The following CHLSN variants were observed in gnomAD, a reference collection of about 807,000 sequenced individuals.
CHLSN encodes the protein protein cholesin.
At chr7:1,068,619 T>A in the CHLSN span, among the ~76,000 whole-genome samples, 2 of 152,126 alleles carry the variant, frequency 1.3e-5, no homozygotes, top group Admixed American at 6.5e-5. Flanking sequence ...TGCCGATGCC[T>A]GCTTGTCGGC....
chr7:1,018,098 G>A, the CHLSN span, among the ~76,000 whole-genome samples: 7 of 152,094 alleles, frequency 4.6e-5, no homozygotes, highest in East Asian at 3.9e-4. Context: ...ATACACACGC[G>A]TGCACACATA....
At chr7:1,116,970 G>A in the CHLSN span, among the ~76,000 whole-genome samples, 4 of 30,788 alleles carry the variant, frequency 1.3e-4, no homozygotes, top group East Asian at 7.0e-4. Flanking sequence ...TGACATCACT[G>A]CAGTTCTAGG....
chr7:1,021,725 C>T, the CHLSN span: 1 of 183,990 alleles, frequency 5.4e-6, no homozygotes, highest in Non-Finnish European at 1.0e-5. Context: ...TACTTGTCAC[C>T]AGACAGAAAC....
the CHLSN span, among the ~76,000 whole-genome samples, chr7:1,033,702 G>A: frequency 2.0e-5 from 3 of 152,328 alleles, no homozygotes; most frequent in East Asian, 1.9e-4. Flanking sequence ...AATCGGTAAC[G>A]GAGGTGCCTC....
the CHLSN span, among the ~76,000 whole-genome samples, chr7:1,006,076 G>A: frequency 1.3e-5 from 2 of 152,354 alleles, no homozygotes; most frequent in African/African-American, 2.4e-5. Context: ...CTTTAATGAG[G>A]AACAGGCTTG....
the CHLSN span, among the ~76,000 whole-genome samples, chr7:1,125,924 T>G: frequency 6.6e-6 from 1 of 152,326 alleles, no homozygotes; most frequent in South Asian, 2.1e-4. Flanking sequence ...CTCCTAATGG[T>G]AAACACAGCT....
chr7:1,066,589 C>T, the CHLSN span, among the ~76,000 whole-genome samples: 1 of 152,050 alleles, frequency 6.6e-6, no homozygotes, highest in Non-Finnish European at 1.5e-5. Context: ...AGGGGTTCTA[C>T]CTGCCCTCTA....
the CHLSN span, among the ~76,000 whole-genome samples, chr7:1,107,442 C>T: frequency 1.1e-4 from 16 of 152,200 alleles, no homozygotes; most frequent in African/African-American, 3.6e-4. Flanking sequence ...CTTCTTAACC[C>T]AGGGAAGCTG....
the CHLSN span, among the ~76,000 whole-genome samples, chr7:1,012,141 T>C: frequency 1.3e-5 from 2 of 152,174 alleles, no homozygotes; most frequent in African/African-American, 4.8e-5. Context: ...CCCCACTCCA[T>C]GGGCCACGCA....
At chr7:1,057,053 AG>A in the CHLSN span, among the ~76,000 whole-genome samples, 2 of 149,012 alleles carry the variant, frequency 1.3e-5, no homozygotes, top group East Asian at 4.2e-4. Context: ...AGCTGCCGGG[AG>A]GGAGGGAGGG....
the CHLSN span, chr7:986,777 G>A: frequency 6.3e-6 from 10 of 1,583,762 alleles, no homozygotes; most frequent in Non-Finnish European, 6.9e-6. Context: ...CTATGTGGAC[G>A]CCCTGATCCA....
At chr7:1,011,992 G>C in the CHLSN span, among the ~76,000 whole-genome samples, 13 of 152,288 alleles carry the variant, frequency 8.5e-5, no homozygotes, top group African/African-American at 1.2e-4. Context: ...ACACCCCCAG[G>C]GGAGCCTGGT....
At chr7:1,055,191 G>T in the CHLSN span, 3 of 467,826 alleles carry the variant, frequency 6.4e-6, no homozygotes, top group Non-Finnish European at 1.3e-5. Flanking sequence ...ACGGCCCCTC[G>T]TTTCTGGAAC....
the CHLSN span, among the ~76,000 whole-genome samples, chr7:1,135,146 G>A: frequency 1.5e-4 from 23 of 151,912 alleles, no homozygotes; most frequent in African/African-American, 5.6e-4. Context: ...CCTCTTAATC[G>A]CCGTGTCCTT....
At chr7:1,091,815 C>G in the CHLSN span, 2 of 1,597,228 alleles carry the variant, frequency 1.3e-6, no homozygotes, top group Non-Finnish European at 1.7e-6. Context: ...CCACCTCCCC[C>G]GAGCTCAACC....
the CHLSN span, among the ~76,000 whole-genome samples, chr7:1,038,369 C>T: frequency 3.1e-5 from 3 of 98,008 alleles, 1 homozygote; most frequent in Non-Finnish European, 4.5e-5. Flanking sequence ...TCTGCCCGGC[C>T]GCCCCTACTG....
chr7:1,102,647 G>A, the CHLSN span, among the ~76,000 whole-genome samples: 1 of 152,084 alleles, frequency 6.6e-6, no homozygotes. Context: ...AGGTGCACTC[G>A]GAAGAGAACC....
the CHLSN span, among the ~76,000 whole-genome samples, chr7:1,073,421 C>T: frequency 3.9e-5 from 6 of 152,126 alleles, no homozygotes. Flanking sequence ...CCCGCCGCCC[C>T]TCAGGCTCTG....
At chr7:1,070,592 GCA>G in the CHLSN span, among the ~76,000 whole-genome samples, 7,284 of 144,936 alleles carry the variant, frequency 0.05, 228 homozygotes, top group African/African-American at 0.08. Context: ...ACACGGACAC[GCA>G]CACACATGCA....
Sources: allele counts gnomAD v4.1 joint callset (sites outside exome capture counted in the v4.1 genomes callset), GRCh38; gene constraint gnomAD v4.1.1; transcripts MANE v1.5; gene names NCBI Gene and HGNC (gene_info 2026-07-23, HGNC 2026-07-21).